POC1B: variants seen among roughly 807,000 people sequenced by gnomAD.
POC1B encodes POC1 centriolar protein homolog B.
A neutral mutation model predicts 60.6 loss-of-function variants in POC1B; 44 were observed. The observed-to-expected ratio is 0.73, with a 90% CI of 0.57 to 0.93. The LOEUF (loss-of-function observed/expected upper bound fraction) is 0.93, where lower values mean the gene tolerates loss of function less well. Among genes scored for constraint, POC1B ranks in the 40% least tolerant of loss-of-function variants. POC1B has a pLI of 0.00. For synonymous variants in POC1B, 180 were observed against 198.9 expected (o/e 0.90, Z 0.80); for missense variants, 555 against 572.3 (o/e 0.97, Z 0.31).
chr12:89,405,924 AC>A, the POC1B span, among the ~76,000 whole-genome samples: 1 of 149,004 alleles, frequency 6.7e-6, no homozygotes, highest in East Asian at 2.0e-4. Context: ...GTGCCACTGC[AC>A]TCCCACCTGG....
chr12:89,454,422 A>G (rs1398963050), intron 10 of POC1B, among the ~76,000 whole-genome samples: 1 of 151,716 alleles, frequency 6.6e-6, no homozygotes. Flanking sequence ...CTCTTTGTCC[A>G]CCCCCATCAA....
At chr12:89,489,525 A>G (rs882781) in intron 4 of POC1B, among the ~76,000 whole-genome samples, 43,054 of 152,102 alleles carry the variant, frequency 0.28, 6,574 homozygotes, top group Non-Finnish European at 0.35. Context: ...CTATCTTCTT[A>G]TATTCTTCTT....
At chr12:89,473,299 T>C (rs1237640387) in intron 4 of POC1B, among the ~76,000 whole-genome samples, 1 of 152,228 alleles carries the variant, frequency 6.6e-6, no homozygotes, top group Non-Finnish European at 1.5e-5. Context: ...TAATTCTTTG[T>C]GACAGAAACT....
At chr12:89,440,930 T>C (rs1026853605) in intron 10 of POC1B, among the ~76,000 whole-genome samples, 9 of 152,200 alleles carry the variant, frequency 5.9e-5, no homozygotes, top group Admixed American at 1.3e-4. Flanking sequence ...ACTGCGCTTT[T>C]CCAATGGTCT....
intron 10 of POC1B, among the ~76,000 whole-genome samples, chr12:89,434,514 A>G (rs1032256409): frequency 6.6e-6 from 1 of 152,236 alleles, no homozygotes; most frequent in African/African-American, 2.4e-5. Context: ...CACTTCTTAT[A>G]TGATTAAGAA....
intron 10 of POC1B, among the ~76,000 whole-genome samples, chr12:89,439,208 T>A (rs1345316559): frequency 1.3e-5 from 2 of 152,234 alleles, no homozygotes; most frequent in African/African-American, 4.8e-5. Flanking sequence ...GGCAAAATCA[T>A]GAAAACGCCT....
At chr12:89,468,634 C>A (rs1303608553) in intron 7 of POC1B, among the ~76,000 whole-genome samples, 1 of 150,990 alleles carries the variant, frequency 6.6e-6, no homozygotes, top group Non-Finnish European at 1.5e-5. Context: ...TTATTTTGTA[C>A]TTTTTTCATG....
intron 10 of POC1B, among the ~76,000 whole-genome samples, chr12:89,449,761 T>A (rs1455322587): frequency 6.6e-6 from 1 of 152,106 alleles, no homozygotes; most frequent in Non-Finnish European, 1.5e-5. Context: ...ATATTCTAAA[T>A]CTACAATGAT....
At chr12:89,490,850 T>G (rs1014535860) in intron 4 of POC1B, among the ~76,000 whole-genome samples, 8 of 152,208 alleles carry the variant, frequency 5.3e-5, no homozygotes, top group African/African-American at 1.2e-4. Context: ...TACTGCCAGT[T>G]GTAACTTCCA....
chr12:89,488,034 G>A (rs946464513), intron 4 of POC1B, among the ~76,000 whole-genome samples: 10 of 152,132 alleles, frequency 6.6e-5, no homozygotes, highest in Admixed American at 2.0e-4. Context: ...ATATGGTACA[G>A]GGCAGTGACT....
intron 4 of POC1B, among the ~76,000 whole-genome samples, chr12:89,488,164 G>A (rs75793411): frequency 6.8e-6 from 1 of 146,402 alleles, no homozygotes; most frequent in African/African-American, 2.6e-5. Context: ...TCAATACAAC[G>A]ACAACGAATA....
chr12:89,436,640 G>A (rs1881278208), intron 10 of POC1B, among the ~76,000 whole-genome samples: 2 of 151,996 alleles, frequency 1.3e-5, no homozygotes, highest in South Asian at 4.1e-4. Context: ...CTTGAACCTG[G>A]GAGACGGAGG....
intron 2 of POC1B, chr12:89,524,333 C>T (rs1302647270): frequency 3.1e-6 from 5 of 1,614,038 alleles, no homozygotes; most frequent in Non-Finnish European, 4.2e-6. Context: ...TCCCCAAGTG[C>T]ACGGGAATCT....
intron 2 of POC1B, chr12:89,521,218 C>G (rs1870836237): frequency 1.3e-5 from 2 of 152,174 alleles, no homozygotes; most frequent in Admixed American, 6.6e-5. Flanking sequence ...ATTCTCCTGC[C>G]TCAGCCTCCT....
At chr12:89,427,411 G>A (rs1160848262) in intron 10 of POC1B, 1 of 152,146 alleles carries the variant, frequency 6.6e-6, no homozygotes, top group African/African-American at 2.4e-5. Flanking sequence ...GATCATAAAG[G>A]GCAGGGCATA....
chr12:89,510,693 G>C lies in POC1B; in HGVS notation c.101-13351C>G, dbSNP rs1870135427. On this transcript the variant is annotated intron_variant, in intron 2 of 11. Coordinates refer to ENST00000313546, the MANE Select transcript of POC1B (RefSeq NM_172240.3). ...TACAATTATTAGGTTGTGCAAAATT[G>C]CAGTTTTTGCTATTGATATTTTCAG... Among the ~76,000 whole-genome samples, 3 of 151,826 alleles carry C rather than the reference G, an allele frequency of 2.0e-5. No individual in the cohort carries two copies. In the South Asian group the frequency reaches 6.2e-4, roughly 32 times the overall value.
chr12:89,456,006 T>TTTG (rs57046085), intron 10 of POC1B, among the ~76,000 whole-genome samples: 76,881 of 148,156 alleles, frequency 0.52, 20,168 homozygotes, highest in East Asian at 0.64. Context: ...AAAACTCTTT[T>TTTG]TTGTTGTTGT....
intron 2 of POC1B, chr12:89,522,277 C>A (rs1478332390): frequency 2.3e-5 from 9 of 397,676 alleles, no homozygotes; most frequent in African/African-American, 1.9e-4. Flanking sequence ...TAAAACCAGG[C>A]CTTTTGCCTT....
chr12:89,474,666 G>C (rs377266620), intron 4 of POC1B, among the ~76,000 whole-genome samples: 1 of 152,182 alleles, frequency 6.6e-6, no homozygotes, highest in Non-Finnish European at 1.5e-5. Flanking sequence ...GTCTGGATTT[G>C]AATCAGGCAG....
Sources: gnomAD v4.1 joint callset for allele counts (sites outside exome capture counted in the v4.1 genomes callset) on GRCh38, gnomAD v4.1.1 for gene constraint, MANE v1.5 for transcripts, NCBI Gene and HGNC (gene_info 2026-07-23, HGNC 2026-07-21) for gene names.